Variants in PRMT7 observed in about 807,000 individuals in gnomAD.
The protein encoded by PRMT7 is protein arginine N-methyltransferase 7.
In PRMT7, 75 loss-of-function variants were observed where a neutral mutation model predicts 85.4. The ratio of observed to expected loss-of-function variants is 0.88; its 90% CI spans 0.73 to 1.06. The LOEUF (loss-of-function observed/expected upper bound fraction) is 1.06, where lower values mean the gene tolerates loss of function less well. Among genes scored for constraint, PRMT7 ranks in the 50% least tolerant of loss-of-function variants. The pLI is 0.00. For synonymous variants in PRMT7, 397 were observed against 359.5 expected (o/e 1.10, Z -1.18); for missense variants, 868 against 915.2 (o/e 0.95, Z 0.67).
At chr16:68,339,179 C>A in intron 7 of PRMT7, 143 bp from the exon 8 acceptor site, 1 of 1,067,026 alleles carries the variant, frequency 9.4e-7, no homozygotes, top group South Asian at 1.6e-5. Context: ...GGGCTGAAAA[C>A]AGTTCACTAT....
At chr16:68,350,732 G>A (rs144950624) in intron 14 of PRMT7, among the ~76,000 whole-genome samples, 136 of 152,284 alleles carry the variant, frequency 8.9e-4, no homozygotes, top group African/African-American at 2.9e-3. Flanking sequence ...CCATTTGTCC[G>A]CAGTCCCCCA....
chr16:68,355,511 G>C, intron 16 of PRMT7: 2 of 444,132 alleles, frequency 4.5e-6, no homozygotes, highest in Non-Finnish European at 3.9e-6. Context: ...AAAATCCGGA[G>C]AGCGAGGCTC....
chr16:68,339,903 C>T lies in PRMT7; in HGVS notation c.862C>T (p.Pro288Ser). ...VLSWWDIEMDPEGKIKCTMAP... is the reference protein window; with the variant it reads ...VLSWWDIEMDSEGKIKCTMAP... ...CTCGTGGTGGGACATTGAAATGGAC[C>T]CTGAGGGGAAGATCAAGTGCACCAT... Residue 288 changes from proline to serine, a missense_variant, in exon 9 of 19, where the codon CCT becomes TCT. Physicochemically the swap from Pro to Ser is moderately conservative, Grantham distance 74 (BLOSUM62 -1). Transcript: ENST00000441236. 2 of 1,614,100 alleles carry T rather than the reference C, an allele frequency of 1.2e-6. No homozygotes were observed. Among genetic ancestry groups the T allele is most frequent in the Non-Finnish European group, 1.7e-6 (2 of 1,180,026 alleles).
In PRMT7 at chr16:68,324,709, G is replaced by A; in HGVS notation, c.159G>A (p.Arg53=). Residue 53 remains arginine, a synonymous_variant, in exon 5 of 19, where the codon CGG becomes CGA. Coordinates refer to ENST00000441236, the MANE Select transcript of PRMT7 (RefSeq NM_019023.5). The part of the protein sequence containing the change: ...DRNVKYYQGI[R]AAVSRVKDRG... Reference sequence around the variant, plus strand: ...ATGTAAAATACTACCAAGGTATCCGGGCTGCCGTGAGCAGGGTGAAGGACA... The same window carrying A: ...ATGTAAAATACTACCAAGGTATCCGAGCTGCCGTGAGCAGGGTGAAGGACA... 9 of 1,614,262 alleles carry A rather than the reference G, an allele frequency of 5.6e-6. No individual in the cohort carries two copies. The highest frequency in any genetic ancestry group is 6.8e-6 in the Non-Finnish European group (8 of 1,180,038).
chr16:68,332,511 CTTGAATGTT>C (rs1186049494), intron 6 of PRMT7, among the ~76,000 whole-genome samples: 2 of 152,164 alleles, frequency 1.3e-5, no homozygotes, highest in Non-Finnish European at 2.9e-5. Context: ...CTGATCAGAA[CTTGAATGTT>C]TCCCAGGCCT....
At chr16:68,346,383 C>G (rs2086373966) in intron 11 of PRMT7, 103 bp downstream of exon 11, 2 of 1,540,318 alleles carry the variant, frequency 1.3e-6, no homozygotes, top group Admixed American at 3.6e-5. Context: ...TTTCCTGTGT[C>G]CTCTTGTCTA....
chr16:68,337,833 G>A (rs1310648752), intron 7 of PRMT7, among the ~76,000 whole-genome samples: 1 of 152,238 alleles, frequency 6.6e-6, no homozygotes, highest in Non-Finnish European at 1.5e-5. Context: ...TCAGGAAGGC[G>A]ATGCTTGAGC....
intron 6 of PRMT7, among the ~76,000 whole-genome samples, chr16:68,336,467 G>A (rs2084708638): frequency 6.6e-6 from 1 of 152,184 alleles, no homozygotes; most frequent in Non-Finnish European, 1.5e-5. Context: ...GGCTGCCAGA[G>A]CCTAACTCAC....
chr16:68,345,206 G>T (rs1479199230), intron 9 of PRMT7, among the ~76,000 whole-genome samples: 1 of 152,188 alleles, frequency 6.6e-6, no homozygotes, highest in Non-Finnish European at 1.5e-5. Context: ...GATCCAGTTA[G>T]GTTTAGTGCA....
intron 6 of PRMT7, among the ~76,000 whole-genome samples, chr16:68,330,900 T>G (rs1030568848): frequency 2.0e-5 from 3 of 152,174 alleles, no homozygotes; most frequent in African/African-American, 7.2e-5. Flanking sequence ...CGGCCTATCT[T>G]TTTTATTTTT....
intron 9 of PRMT7, among the ~76,000 whole-genome samples, chr16:68,341,780 C>G (rs771305398): frequency 2.6e-5 from 4 of 152,244 alleles, no homozygotes; most frequent in African/African-American, 9.6e-5. Flanking sequence ...CAGACAGAAA[C>G]GTAAAAACCC....
intron 16 of PRMT7, 45 bp from the exon 17 acceptor site, chr16:68,355,678 C>A: frequency 6.8e-7 from 1 of 1,469,390 alleles, no homozygotes. Flanking sequence ...CTCTGTCTAG[C>A]TGCCGGCCTG....
At chr16:68,356,642 G>A in intron 17 of PRMT7, 59 bp from the exon 18 acceptor site, 1 of 1,362,528 alleles carries the variant, frequency 7.3e-7, no homozygotes, top group Non-Finnish European at 1.0e-6. Context: ...AGGAGCTGCA[G>A]CTGTTCCCCC....
At position 68,327,751 on chromosome 16, in the gene PRMT7, C is replaced by G. The variant is rs151326396; in HGVS notation, c.283-1315C>G. On this transcript the variant is annotated intron_variant, in intron 5 of 18. Coordinates refer to ENST00000441236, the MANE Select transcript of PRMT7 (RefSeq NM_019023.5). Reference sequence around the variant, plus strand: ...AACCTTGAGTCCCAGAGTTGGAGACCAGCCTGGGCAACATGGCAAAACCCC... The same window carrying G: ...AACCTTGAGTCCCAGAGTTGGAGACGAGCCTGGGCAACATGGCAAAACCCC... Among the ~76,000 whole-genome samples, 1,435 of 151,954 alleles carry G rather than the reference C, an allele frequency of 9.4e-3. 25 individuals are homozygous for G. Among genetic ancestry groups the G allele is most frequent in the African/African-American group, 0.033 (1,359 of 41,390 alleles).
At chr16:68,330,668 C>T (rs2044032791) in intron 6 of PRMT7, among the ~76,000 whole-genome samples, 1 of 152,118 alleles carries the variant, frequency 6.6e-6, no homozygotes, top group African/African-American at 2.4e-5. Flanking sequence ...GATCTCAGCT[C>T]ACTGCAACCT....
rs563006955 is a variant in PRMT7 at position 68,334,949 on chromosome 16, A to G, written c.392-2510A>G. 1.2e-4 allele frequency among the ~76,000 whole-genome samples: 18 copies of G among 152,180 alleles called. No homozygotes were observed. The East Asian group carries it at 3.5e-3, about 29-fold the overall frequency. On this transcript the variant is annotated intron_variant, in intron 6 of 18. Transcript: ENST00000441236. ...GTAGCTGGGACTACAGGCGCGTGCT[A>G]CTACACCCGGCTAATTTTTGTATTT...
At chr16:68,356,075 C>T (rs769340315) in intron 17 of PRMT7, among the ~76,000 whole-genome samples, 192 bp downstream of exon 17, 9 of 152,252 alleles carry the variant, frequency 5.9e-5, no homozygotes, top group Non-Finnish European at 1.2e-4. Context: ...GTGTGTGCCA[C>T]TGGTGGAGGA....
intron 14 of PRMT7, 96 bp from the exon 15 acceptor site, chr16:68,352,152 T>A (rs1353527255): frequency 1.5e-6 from 2 of 1,334,600 alleles, no homozygotes; most frequent in African/African-American, 2.9e-5. Flanking sequence ...GGGAGTGACT[T>A]GAGTGACTGA....
At chr16:68,343,797 G>A (rs1009266702) in intron 9 of PRMT7, among the ~76,000 whole-genome samples, 8 of 152,150 alleles carry the variant, frequency 5.3e-5, no homozygotes, top group Non-Finnish European at 8.8e-5. Context: ...TCAAGTAAGC[G>A]TCTTAAGCGT....
Sources: gnomAD v4.1 joint callset for allele counts (sites outside exome capture counted in the v4.1 genomes callset) on GRCh38, gnomAD v4.1.1 for gene constraint, MANE v1.5 for transcripts, NCBI Gene and HGNC (gene_info 2026-07-23, HGNC 2026-07-21) for gene names.